Variants in DLGAP1 observed in about 807,000 individuals in gnomAD.
DLGAP1 encodes DLG associated protein 1.
A neutral mutation model predicts 90.8 loss-of-function variants in DLGAP1; 11 were observed. The ratio of observed to expected loss-of-function variants is 0.12; its 90% CI spans 0.08 to 0.20. DLGAP1 has a LOEUF of 0.20. DLGAP1 is among the 10% of genes least tolerant of loss of function. The pLI is 1.00. For synonymous variants in DLGAP1, 558 were observed against 540.7 expected (o/e 1.03, Z -0.44); for missense variants, 1,050 against 1,333.8 (o/e 0.79, Z 3.31).
intron 3 of DLGAP1, among the ~76,000 whole-genome samples, chr18:3,951,483 T>G (rs979745736): frequency 1.3e-5 from 2 of 152,236 alleles, no homozygotes; most frequent in East Asian, 1.9e-4. Context: ...TTTATTTATT[T>G]ATTGATTGGT....
chr18:4,426,965 T>G (rs551888878), intron 1 of DLGAP1, among the ~76,000 whole-genome samples: 7 of 152,356 alleles, frequency 4.6e-5, no homozygotes, highest in African/African-American at 1.7e-4. Flanking sequence ...GATATAATTA[T>G]GAACTTACTA....
rs1438178845 is a variant in DLGAP1 at position 3,677,391 on chromosome 18, C to A, written c.1591+51744G>T. On this transcript the variant is annotated intron_variant, in intron 7 of 12. Transcript: ENST00000315677. ...ATTTATTGTCTTAACCTGACCCACA[C>A]CCTCAAAACTAGCCATTCCAACAAG... 4.6e-5 allele frequency among the ~76,000 whole-genome samples: 7 copies of A among 152,350 alleles called. No homozygotes were observed. In the East Asian group the frequency reaches 1.2e-3, roughly 25 times the overall value.
intron 1 of DLGAP1, among the ~76,000 whole-genome samples, chr18:4,174,245 GAAT>G (rs1233553993): frequency 6.6e-6 from 1 of 152,160 alleles, no homozygotes; most frequent in Admixed American, 6.5e-5. Flanking sequence ...ATCTGTGGTA[GAAT>G]TCCAGTCCTT....
intron 1 of DLGAP1, among the ~76,000 whole-genome samples, chr18:4,174,316 G>A (rs1002224303): frequency 5.1e-4 from 77 of 151,652 alleles, no homozygotes; most frequent in Middle Eastern, 3.4e-3. Flanking sequence ...TAACTTCATT[G>A]TTTTTATTTT....
chr18:3,765,228 T>C (rs1319937768), intron 5 of DLGAP1, among the ~76,000 whole-genome samples: 1 of 148,688 alleles, frequency 6.7e-6, no homozygotes, highest in African/African-American at 2.5e-5. Context: ...CCTCCCGGGT[T>C]CACACCATTC....
At chr18:4,269,355 T>A (rs1226464832) in intron 1 of DLGAP1, among the ~76,000 whole-genome samples, 1 of 100,404 alleles carries the variant, frequency 1.0e-5, no homozygotes, top group African/African-American at 7.3e-5. Flanking sequence ...TATATATATA[T>A]TTTTTTTTTT....
chr18:3,591,074 G>T (rs1411187947), intron 7 of DLGAP1, among the ~76,000 whole-genome samples: 10 of 152,126 alleles, frequency 6.6e-5, no homozygotes, highest in Non-Finnish European at 2.9e-5. Context: ...ATCTGCAGCA[G>T]ATTGAGGGCA....
At chr18:4,016,001 C>T (rs2074517626) in intron 2 of DLGAP1, among the ~76,000 whole-genome samples, 1 of 152,194 alleles carries the variant, frequency 6.6e-6, no homozygotes, top group Non-Finnish European at 1.5e-5. Context: ...AGTTCTCCTT[C>T]CTTTGGCTTC....
intron 1 of DLGAP1, among the ~76,000 whole-genome samples, chr18:4,228,136 C>T (rs2078230696): frequency 6.6e-6 from 1 of 151,424 alleles, no homozygotes; most frequent in Admixed American, 6.6e-5. Context: ...TGAGATGAAG[C>T]CTACCAAGAT....
intron 3 of DLGAP1, among the ~76,000 whole-genome samples, chr18:3,949,249 T>C (rs892386884): frequency 6.6e-6 from 1 of 152,152 alleles, no homozygotes; most frequent in Non-Finnish European, 1.5e-5. Context: ...ACAATTGGCT[T>C]GAGTTAGGTT....
intron 1 of DLGAP1, among the ~76,000 whole-genome samples, chr18:4,276,940 A>G (rs545291134): frequency 1.5e-3 from 229 of 152,376 alleles, no homozygotes; most frequent in African/African-American, 5.1e-3. Context: ...AAATATGCAT[A>G]CATATTGGTT....
At chr18:4,257,338 A>G (rs2078909088) in intron 1 of DLGAP1, among the ~76,000 whole-genome samples, 1 of 152,212 alleles carries the variant, frequency 6.6e-6, no homozygotes, top group Admixed American at 6.5e-5. Flanking sequence ...AGAAGGGAAA[A>G]TAGAGTCTGA....
intron 1 of DLGAP1, among the ~76,000 whole-genome samples, chr18:4,282,198 A>T (rs2079569118): frequency 6.6e-6 from 1 of 151,946 alleles, no homozygotes; most frequent in Non-Finnish European, 1.5e-5. Flanking sequence ...CTCCGTCTCT[A>T]CTAAAAATAC....
At chr18:4,030,463 C>T (rs1201647074) in intron 2 of DLGAP1, among the ~76,000 whole-genome samples, 1 of 152,180 alleles carries the variant, frequency 6.6e-6, no homozygotes, top group Non-Finnish European at 1.5e-5. Context: ...CAGGAATGGC[C>T]AACCCAGAGA....
chr18:3,983,629 G>A (rs996202486), intron 3 of DLGAP1: 3 of 152,088 alleles, frequency 2.0e-5, no homozygotes, highest in African/African-American at 7.2e-5. Context: ...AGAACAAACT[G>A]AACAAAGAAT....
Position 3,939,274 on chromosome 18 carries a change from C to T in DLGAP1, c.-72-59134G>A, listed in dbSNP as rs573766746. 9.2e-5 allele frequency among the ~76,000 whole-genome samples: 14 copies of T among 151,794 alleles called. No homozygotes were observed. In the East Asian group the frequency reaches 1.7e-3, roughly 19 times the overall value. ...TCTCTATTAAAAATACGAAAGTTAGCCCTGTGTGGTGGTGGGCACCTGTAA... is the reference window on the plus strand; with the variant it reads ...TCTCTATTAAAAATACGAAAGTTAGTCCTGTGTGGTGGTGGGCACCTGTAA... On this transcript the variant is annotated intron_variant, in intron 3 of 12. Coordinates refer to ENST00000315677, the MANE Select transcript of DLGAP1 (RefSeq NM_004746.4).
At chr18:3,591,123 A>G (rs1185438054) in intron 7 of DLGAP1, among the ~76,000 whole-genome samples, 1 of 152,208 alleles carries the variant, frequency 6.6e-6, no homozygotes, top group Non-Finnish European at 1.5e-5. Flanking sequence ...TAGGCTGAGA[A>G]GCACTGAAAA....
In DLGAP1 at chr18:3,597,438, T is replaced by C. The variant is rs909379949; in HGVS notation, c.1592-15190A>G. The C allele has an allele frequency of 1.4e-5, 5 of 358,608 alleles. 1 individual carries two copies. The highest frequency in any genetic ancestry group is 6.5e-5 in the South Asian group (3 of 46,016). 22.2% of individuals were successfully genotyped at this position (358,608 alleles called of 1,614,324 possible). A position where few individuals can be genotyped will look rare whatever the true frequency, so the allele number is the denominator to read the frequency against. On this transcript the variant is annotated intron_variant, in intron 7 of 12. Transcript: ENST00000315677. ...ATGGGACCAGGGTATTGTGCACTTA[T>C]TGCCAATTCTTGCTTCAGTAAGTGG...
At chr18:3,881,536 AT>A (rs200459780) in intron 3 of DLGAP1, among the ~76,000 whole-genome samples, 1,758 of 152,184 alleles carry the variant, frequency 0.012, 23 homozygotes, top group Middle Eastern at 0.041. Context: ...TATTAGTCTC[AT>A]TATGTACCCC....
Sources: gnomAD v4.1 joint callset for allele counts (sites outside exome capture counted in the v4.1 genomes callset) on GRCh38, gnomAD v4.1.1 for gene constraint, MANE v1.5 for transcripts, NCBI Gene and HGNC (gene_info 2026-07-23, HGNC 2026-07-21) for gene names.